The following AKR1C3 variants were observed in gnomAD, a reference collection of about 807,000 sequenced individuals.
The protein encoded by AKR1C3 is aldo-keto reductase family 1 member C3, also known as 3-alpha hydroxysteroid dehydrogenase, type II.
Under a neutral mutation model 43.6 loss-of-function variants are expected in AKR1C3, and 48 were observed. That is an observed-to-expected ratio of 1.10 (90% CI 0.87 to 1.40). The LOEUF is 1.40. Among genes scored for constraint, AKR1C3 ranks in the 40% most tolerant of loss-of-function variants. AKR1C3 has a pLI of 0.00. For missense variants in AKR1C3, 482 were observed against 391.2 expected (o/e 1.23, Z -1.96); for synonymous variants, 162 against 139.6 (o/e 1.16, Z -1.13).
chr10:5,061,723 C>A (rs1554780271), intron 1 of AKR1C3, among the ~76,000 whole-genome samples: 1 of 152,122 alleles, frequency 6.6e-6, no homozygotes, highest in African/African-American at 2.4e-5. Context: ...ATTGAAGACA[C>A]CATTGACTGA....
At chr10:5,052,300 G>T (rs1838169575) in intron 1 of AKR1C3, among the ~76,000 whole-genome samples, 1 of 152,160 alleles carries the variant, frequency 6.6e-6, no homozygotes, top group Admixed American at 6.5e-5. Flanking sequence ...AGGCAGTGTG[G>T]ACCCAAAGAG....
Position 5,107,550 on chromosome 10 carries a change from G to A in AKR1C3, c.*47G>A, listed in dbSNP as rs190105038. ...TCTACCAGAAGCCCTGTGTGTGGAT[G>A]GTGACGCAGAGGACGTCTCTATGCC... On this transcript the variant is annotated 3_prime_UTR_variant, in exon 9 of 9. Transcript: ENST00000380554. The A allele has an allele frequency of 1.7e-3, 2,440 of 1,464,590 alleles. 11 individuals carry two copies. Among genetic ancestry groups the A allele is most frequent in the Middle Eastern group, 5.0e-3 (27 of 5,412 alleles). The allele number at this position is 1,464,590 out of a possible 1,614,324, so 90.7% of individuals were successfully genotyped here.
chr10:5,083,066 T>G (rs868944654), intron 1 of AKR1C3, among the ~76,000 whole-genome samples: 1 of 112,134 alleles, frequency 8.9e-6, no homozygotes, highest in Non-Finnish European at 1.8e-5. Flanking sequence ...AATTTATCTA[T>G]TTTCTCTATT....
chr10:5,106,717 G>A (rs1839508586), intron 8 of AKR1C3, among the ~76,000 whole-genome samples: 1 of 149,592 alleles, frequency 6.7e-6, no homozygotes, highest in Non-Finnish European at 1.5e-5. Context: ...TCACACCACT[G>A]CACTCCAGCC....
chr10:5,098,032 G>A, intron 3 of AKR1C3: 1 of 999,806 alleles, frequency 1.0e-6, no homozygotes, highest in Non-Finnish European at 1.2e-6. Flanking sequence ...TTATTATTCT[G>A]CTGCCTCTTC....
rs1226491700 is a variant in AKR1C3 at position 5,086,299 on chromosome 10, G to C, written c.85-10111G>C. Among the ~76,000 whole-genome samples, 17 of 151,526 alleles carry C rather than the reference G, an allele frequency of 1.1e-4. 1 individual carries two copies. Among genetic ancestry groups the C allele is most frequent in the Admixed American group, 8.5e-4 (13 of 15,224 alleles). The stretch of plus-strand genomic sequence containing the variant: ...TGTCTTTGTTCTCATTGGTTTCAAA[G>C]AACATCTTTATTTCTGCCTTCATTT... On this transcript the variant is annotated intron_variant, in intron 1 of 8. Transcript: ENST00000439082.
chr10:5,066,141 A>G (rs1838496338), intron 1 of AKR1C3, among the ~76,000 whole-genome samples: 1 of 152,198 alleles, frequency 6.6e-6, no homozygotes, highest in African/African-American at 2.4e-5. Flanking sequence ...TATGCTGTCG[A>G]GAATGTTTGT....
chr10:5,050,887 G>C (rs1838139450), intron 1 of AKR1C3, among the ~76,000 whole-genome samples: 1 of 152,168 alleles, frequency 6.6e-6, no homozygotes, highest in Admixed American at 6.5e-5. Context: ...AGTAATAAAA[G>C]ACAGCCTAAT....
intron 1 of AKR1C3, among the ~76,000 whole-genome samples, chr10:5,086,905 CT>C (rs1239193304): frequency 5.3e-5 from 8 of 151,970 alleles, no homozygotes; most frequent in Non-Finnish European, 8.8e-5. Flanking sequence ...CAACCCCTGC[CT>C]TTTTTTGTTT....
At chr10:5,092,049 T>C (rs546504725), upstream of AKR1C3, among the ~76,000 whole-genome samples, 218 of 145,166 alleles carry the variant, frequency 1.5e-3, no homozygotes, top group African/African-American at 4.7e-3. Flanking sequence ...TAAAAAAAAA[T>C]TTTTGCCAAA....
At chr10:5,054,984 A>T (rs187573651) in intron 1 of AKR1C3, among the ~76,000 whole-genome samples, 2 of 152,228 alleles carry the variant, frequency 1.3e-5, no homozygotes, top group Non-Finnish European at 2.9e-5. Flanking sequence ...AGAGGTTAGG[A>T]ACTCCCTTTC....
chr10:5,053,399 A>G (rs1281854266), intron 1 of AKR1C3, among the ~76,000 whole-genome samples: 1 of 152,214 alleles, frequency 6.6e-6, no homozygotes, highest in Non-Finnish European at 1.5e-5. Context: ...CTCTGAGTGC[A>G]GGGCCTGCTG....
At chr10:5,066,393 T>A (rs187539859) in intron 1 of AKR1C3, among the ~76,000 whole-genome samples, 1 of 152,322 alleles carries the variant, frequency 6.6e-6, no homozygotes, top group Non-Finnish European at 1.5e-5. Context: ...AGTGCCACTC[T>A]CAGTTACCAT....
chr10:5,077,945 A>C lies in AKR1C3; in HGVS notation c.85-18465A>C, dbSNP rs77596552. Reference sequence around the variant, plus strand: ...CGATTCATCAAATGAATCTTCAGCCAACAACTGTTCAAGAAGGATGCAAAT... The same window carrying C: ...CGATTCATCAAATGAATCTTCAGCCCACAACTGTTCAAGAAGGATGCAAAT... On this transcript the variant is annotated intron_variant, in intron 1 of 8. Transcript: ENST00000439082. 1.3e-3 allele frequency: 835 copies of C among 660,074 alleles called. 7 individuals carry two copies. In the African/African-American group the frequency reaches 0.014, roughly 11 times the overall value. 40.9% of individuals were successfully genotyped at this position (660,074 alleles called of 1,614,324 possible).
intron 1 of AKR1C3, chr10:5,096,129 A>T (rs1398207144): frequency 1.7e-5 from 5 of 293,848 alleles, no homozygotes; most frequent in Non-Finnish European, 3.2e-5. Flanking sequence ...AATTAGGACT[A>T]TTTCAGTCAT....
At chr10:5,089,753 A>G (rs7477623), upstream of AKR1C3, among the ~76,000 whole-genome samples, 49,340 of 151,950 alleles carry the variant, frequency 0.32, 8,575 homozygotes, top group Non-Finnish European at 0.36. Context: ...TTTTGATTAG[A>G]GTCCATTGCT....
intron 1 of AKR1C3, 40 bp downstream of exon 1, chr10:5,094,568 T>G: frequency 6.2e-7 from 1 of 1,604,214 alleles, no homozygotes; most frequent in South Asian, 1.1e-5. Context: ...TTCAAAAGAA[T>G]AAACCTAGTA....
intron 1 of AKR1C3, among the ~76,000 whole-genome samples, chr10:5,058,466 A>G (rs1421022684): frequency 1.3e-5 from 2 of 152,186 alleles, no homozygotes; most frequent in African/African-American, 2.4e-5. Context: ...ATTGGTCCCA[A>G]TGGCTTAGGA....
At chr10:5,054,267 G>T (rs1211535157) in intron 1 of AKR1C3, among the ~76,000 whole-genome samples, 2 of 152,226 alleles carry the variant, frequency 1.3e-5, no homozygotes, top group African/African-American at 2.4e-5. Context: ...CTTGCAAACT[G>T]TCTGAGAAAT....
Sources: gnomAD v4.1 joint callset for allele counts (sites outside exome capture counted in the v4.1 genomes callset) on GRCh38, gnomAD v4.1.1 for gene constraint, MANE v1.5 for transcripts, NCBI Gene and HGNC (gene_info 2026-07-23, HGNC 2026-07-21) for gene names.